TMEM127: variants seen among roughly 807,000 people sequenced by gnomAD.
The protein encoded by TMEM127 is transmembrane protein 127.
TMEM127 carries 21 observed loss-of-function variants against 20.1 expected under a neutral mutation model. That is an observed-to-expected ratio of 1.04 (90% confidence interval 0.74 to 1.50). The LOEUF is 1.50. TMEM127 is among the 40% of genes most tolerant of loss of function. TMEM127 has a pLI of 0.00. For synonymous variants in TMEM127, 150 were observed against 144.7 expected (o/e 1.04, Z -0.26); for missense variants, 303 against 317.4 (o/e 0.95, Z 0.34).
rs1402826560 is a variant in TMEM127, at chr2:96,263,048, CT to C, written c.244+2089del. ...AAGAAGAACCTGCACCAAGAATTTA[CT>C]TTTTTTTTTTTTTTTGAGATGGAGT... is the stretch of plus-strand genomic sequence containing the variant. On this transcript the variant is annotated intron_variant, in intron 2 of 3. Coordinates refer to ENST00000258439, the MANE Select transcript of TMEM127 (RefSeq NM_017849.4). Among the ~76,000 whole-genome samples, 701 of 136,606 alleles carry C rather than the reference CT, an allele frequency of 5.1e-3. 2 individuals carry two copies. Among genetic ancestry groups the C allele is most frequent in the African/African-American group, 0.011 (409 of 37,366 alleles). The allele number at this position is 136,606 out of a possible 152,430, so 89.6% of individuals were successfully genotyped here.
rs774321958 is a variant in TMEM127, at chr2:96,254,087, A to G, written c.438T>C (p.Phe146=). ...AGATGAGTTCAGAAGCCCAATAAGA[A>G]AAGCCAATGACGGTGGCACACTGCA... ...TVLQCATVIG[F]SYWASELILA... The change falls in exon 4 of 4, where the codon TTT becomes TTC. Residue 146 remains phenylalanine (F), a synonymous_variant. Coordinates refer to ENST00000258439, the MANE Select transcript of TMEM127 (RefSeq NM_017849.4). 4 of 1,614,074 alleles carry G rather than the reference A, an allele frequency of 2.5e-6. No individual in the cohort carries two copies. The African/African-American group carries it at 5.3e-5, about 22-fold the overall frequency.
intron 2 of TMEM127, among the ~76,000 whole-genome samples, chr2:96,256,219 C>T (rs1013678955): frequency 2.7e-5 from 4 of 147,652 alleles, no homozygotes; most frequent in African/African-American, 1.0e-4. Flanking sequence ...TGCAGTGAGC[C>T]GAGATTGCAC....
At chr2:96,259,263 G>A (rs879481520) in intron 2 of TMEM127, among the ~76,000 whole-genome samples, 3 of 152,198 alleles carry the variant, frequency 2.0e-5, no homozygotes, top group Non-Finnish European at 2.9e-5. Context: ...ATGAGGAGTC[G>A]GGGGCTCCAG....
At chr2:96,255,063 A>G in intron 2 of TMEM127, 66 bp from the exon 3 acceptor site, 1 of 1,597,808 alleles carries the variant, frequency 6.3e-7, no homozygotes, top group Admixed American at 1.7e-5. Flanking sequence ...CCCCACCTAG[A>G]AGGAGTTTGA....
In TMEM127 at chr2:96,250,446, G is replaced by A; in HGVS notation, c.*3362C>T. The A allele has an allele frequency of 4.3e-6, 1 of 232,826 alleles. No individual in the cohort carries two copies. Among genetic ancestry groups the A allele is most frequent in the Non-Finnish European group, 8.5e-6 (1 of 117,788 alleles). 14.4% of individuals were successfully genotyped at this position (232,826 alleles called of 1,614,324 possible). A position where few individuals can be genotyped will look rare whatever the true frequency, so the allele number is the denominator to read the frequency against. On this transcript the variant is annotated 3_prime_UTR_variant, in exon 4 of 4. Transcript: ENST00000258439. The stretch of plus-strand genomic sequence containing the variant: ...CGCCCACTTCACTCTGCCTTTCTGT[G>A]GACAAGTCCATCTCCTGAACTAAGG...
At chr2:96,261,158 G>A (rs1684304990) in intron 2 of TMEM127, among the ~76,000 whole-genome samples, 1 of 152,196 alleles carries the variant, frequency 6.6e-6, no homozygotes, top group South Asian at 2.1e-4. Context: ...ATGACTATCT[G>A]CGGCCCCTCT....
chr2:96,260,370 C>G (rs1334340213), intron 2 of TMEM127: 1 of 152,190 alleles, frequency 6.6e-6, no homozygotes, highest in African/African-American at 2.4e-5. Context: ...AAAGAAAACC[C>G]CTGAAGGTTA....
Position 96,252,294 on chromosome 2 carries a change from C to T in TMEM127, c.*1514G>A, listed in dbSNP as rs1684110069. 4.3e-6 allele frequency: 1 copy of T among 233,254 alleles called. No homozygotes were observed. The highest frequency in any genetic ancestry group is 2.2e-5 in the African/African-American group (1 of 45,350). 14.4% of individuals were successfully genotyped at this position (233,254 alleles called of 1,614,324 possible). On this transcript the variant is annotated 3_prime_UTR_variant, in exon 4 of 4. Transcript: ENST00000258439. This position sits in a 1 kb window ranked among gnomAD's most constrained non-coding sequence, Gnocchi z 4.2. ...CAGTCTTGCTCAAACTATCTATCACCTTAAAGGTTGGAAGAGATTGGAATC... is the reference window on the plus strand; with the variant it reads ...CAGTCTTGCTCAAACTATCTATCACTTTAAAGGTTGGAAGAGATTGGAATC...
In TMEM127 at chr2:96,253,050, T is replaced by C. The variant is rs993967491; in HGVS notation, c.*758A>G. 8.6e-6 allele frequency: 2 copies of C among 233,166 alleles called. No homozygotes were observed. Among genetic ancestry groups the C allele is most frequent in the Non-Finnish European group, 1.7e-5 (2 of 118,020 alleles). The allele number at this position is 233,166 out of a possible 1,614,324, so 14.4% of individuals were successfully genotyped here. ...ATTGTTGCTGTTGCCTGGTTTCATT[T>C]TTTTCCTTTTAAAACCACTCATATT... On this transcript the variant is annotated 3_prime_UTR_variant, in exon 4 of 4. Coordinates refer to ENST00000258439, the MANE Select transcript of TMEM127 (RefSeq NM_017849.4). The surrounding 1 kb of genome is among the most constrained non-coding windows in gnomAD (Gnocchi z 4.3).
At chr2:96,254,231 G>T in intron 3 of TMEM127, 116 bp from the exon 4 acceptor site, 2 of 1,364,510 alleles carry the variant, frequency 1.5e-6, no homozygotes, top group Non-Finnish European at 2.0e-6. Context: ...AACCTGCCTG[G>T]CCCCAGACTC....
Position 96,254,877 on chromosome 2 carries a change from G to A in TMEM127, c.365C>T (p.Ala122Val). ...LLDVFGPKHPALKITRRYAFA... is the reference protein window; with the variant it reads ...LLDVFGPKHPVLKITRRYAFA... ...GGCATAGCGACGAGTGATCTTCAGA[G>A]CAGGATGCTTCGGCCCAAAGACATC... Residue 122 changes from alanine (A) to valine (V), a missense_variant, in exon 3 of 4, where the codon GCT becomes GTT. Coordinates refer to ENST00000258439, the MANE Select transcript of TMEM127 (RefSeq NM_017849.4). The A allele has an allele frequency of 6.2e-7, 1 of 1,614,146 alleles. No individual in the cohort carries two copies. Among genetic ancestry groups the A allele is most frequent in the Non-Finnish European group, 8.5e-7 (1 of 1,179,974 alleles).
At chr2:96,265,096 TCC>T in intron 2 of TMEM127, 40 bp downstream of exon 2, 1 of 1,609,558 alleles carries the variant, frequency 6.2e-7, no homozygotes, top group Non-Finnish European at 8.5e-7. Flanking sequence ...ACACATTCTG[TCC>T]CCCACCGAGG....
At chr2:96,258,196 G>A (rs1423892376) in intron 2 of TMEM127, among the ~76,000 whole-genome samples, 1 of 152,136 alleles carries the variant, frequency 6.6e-6, no homozygotes, top group African/African-American at 2.4e-5. Flanking sequence ...TCTGGAGCAG[G>A]GCCTAGGAAT....
At chr2:96,265,758 G>A (rs1317282248) in intron 1 of TMEM127, 111 bp downstream of exon 1, 3 of 218,820 alleles carry the variant, frequency 1.4e-5, no homozygotes, top group Admixed American at 5.9e-5. Context: ...GCCGAGGGGC[G>A]GAGGACCGGG....
chr2:96,258,751 A>C (rs921357400), intron 2 of TMEM127, among the ~76,000 whole-genome samples: 8 of 152,170 alleles, frequency 5.3e-5, no homozygotes, highest in South Asian at 4.1e-4. Context: ...CTGTATTTTA[A>C]ATCTTATTAA....
chr2:96,260,275 T>TATCTCA (rs1684288960), intron 2 of TMEM127, among the ~76,000 whole-genome samples: 1 of 152,226 alleles, frequency 6.6e-6, no homozygotes, highest in Non-Finnish European at 1.5e-5. Flanking sequence ...CTGGAGTCAG[T>TATCTCA]ATCTCAATGT....
Position 96,256,461 on chromosome 2 carries a change from C to T in TMEM127, c.245-1464G>A, listed in dbSNP as rs527793144. ...TGGTGCATGCCTGTGATCCCAGCTA[C>T]TTGGGAGGCTGAGGCAGGAGAATTG... On this transcript the variant is annotated intron_variant, in intron 2 of 3. Transcript: ENST00000258439. Among the ~76,000 whole-genome samples the T allele has an allele frequency of 1.1e-4, 17 of 150,390 alleles. No homozygotes were observed. The East Asian group carries it at 1.4e-3, about 12-fold the overall frequency.
rs1684100563 is a variant in TMEM127, at chr2:96,251,940, G to A, written c.*1868C>T. ...GCCTGCTCAGACACCCAAGGGCAGA[G>A]AGAGCTGGCCACAAGTAAACCTGCC... On this transcript the variant is annotated 3_prime_UTR_variant, in exon 4 of 4. Coordinates refer to ENST00000258439, the MANE Select transcript of TMEM127 (RefSeq NM_017849.4). 4.3e-6 allele frequency: 1 copy of A among 233,276 alleles called. No individual in the cohort carries two copies. The highest frequency in any genetic ancestry group is 2.2e-5 in the African/African-American group (1 of 45,346). 14.5% of individuals were successfully genotyped at this position (233,276 alleles called of 1,614,324 possible). A position where few individuals can be genotyped will look rare whatever the true frequency, so the allele number is the denominator to read the frequency against.
chr2:96,251,951 A>G lies in TMEM127; in HGVS notation c.*1857T>C. On this transcript the variant is annotated 3_prime_UTR_variant, in exon 4 of 4. Coordinates refer to ENST00000258439, the MANE Select transcript of TMEM127 (RefSeq NM_017849.4). ...CACCCAAGGGCAGAGAGAGCTGGCC[A>G]CAAGTAAACCTGCCAATGACAAACT... 4.3e-6 allele frequency: 1 copy of G among 233,350 alleles called. No homozygotes were observed. Among genetic ancestry groups the G allele is most frequent in the Non-Finnish European group, 8.5e-6 (1 of 117,830 alleles). The allele number at this position is 233,350 out of a possible 1,614,324, so 14.5% of individuals were successfully genotyped here. A position where few individuals can be genotyped will look rare whatever the true frequency, so the allele number is the denominator to read the frequency against.
Sources: allele counts gnomAD v4.1 joint callset (sites outside exome capture counted in the v4.1 genomes callset), GRCh38; gene constraint gnomAD v4.1.1; non-coding constraint Gnocchi (gnomAD v3.1); transcripts MANE v1.5; gene names NCBI Gene and HGNC (gene_info 2026-07-23, HGNC 2026-07-21).